GALNTL6: variants seen among roughly 807,000 people sequenced by gnomAD.
The protein encoded by GALNTL6 is polypeptide N-acetylgalactosaminyltransferase like 6, also known as polypeptide N-acetylgalactosaminyltransferase-like 6.
A neutral mutation model predicts 73.7 loss-of-function variants in GALNTL6; 46 were observed. That is an observed-to-expected ratio of 0.62 (90% confidence interval 0.49 to 0.80). The LOEUF (loss-of-function observed/expected upper bound fraction) is 0.80, where lower values mean the gene tolerates loss of function less well. GALNTL6 is among the 30% of genes least tolerant of loss of function. The probability of loss-of-function intolerance (pLI) is 0.00; values close to 1 mark genes in which losing one functional copy is unlikely to be tolerated. For missense variants in GALNTL6, 604 were observed against 755.0 expected, an observed-to-expected ratio of 0.80 and a Z score of 2.34; for synonymous variants, 259 against 263.7, an observed-to-expected ratio of 0.98 and a Z score of 0.17.
At chr4:172,522,387 T>G (rs1386434692) in intron 5 of GALNTL6, among the ~76,000 whole-genome samples, 1 of 152,136 alleles carries the variant, frequency 6.6e-6, no homozygotes, top group Non-Finnish European at 1.5e-5. Context: ...AAAGTGTATT[T>G]TAGGCCGGGC....
At chr4:172,923,910 AT>A (rs1398668053) in intron 8 of GALNTL6, among the ~76,000 whole-genome samples, 1 of 152,074 alleles carries the variant, frequency 6.6e-6, no homozygotes, top group Non-Finnish European at 1.5e-5. Context: ...TGCCCCCATG[AT>A]TCAATTACCT....
At chr4:172,992,254 C>G (rs951930329) in intron 10 of GALNTL6, among the ~76,000 whole-genome samples, 2 of 152,128 alleles carry the variant, frequency 1.3e-5, no homozygotes, top group African/African-American at 4.8e-5. Flanking sequence ...GCCTTACTTA[C>G]GATTTAAAAT....
chr4:172,796,616 G>A (rs892605729), intron 5 of GALNTL6, among the ~76,000 whole-genome samples: 1 of 152,130 alleles, frequency 6.6e-6, no homozygotes, highest in African/African-American at 2.4e-5. Flanking sequence ...TTTAAACCAA[G>A]ACAATTCTTA....
intron 5 of GALNTL6, among the ~76,000 whole-genome samples, chr4:172,387,522 C>A (rs1743515352): frequency 6.6e-6 from 1 of 152,036 alleles, no homozygotes; most frequent in African/African-American, 2.4e-5. Flanking sequence ...ATTGAAGATA[C>A]CTTATACCCA....
At chr4:172,411,675 A>T (rs1744441937) in intron 5 of GALNTL6, among the ~76,000 whole-genome samples, 1 of 151,632 alleles carries the variant, frequency 6.6e-6, no homozygotes, top group Non-Finnish European at 1.5e-5. Flanking sequence ...AGCCTCTTCC[A>T]GTTGTCCTAA....
rs1731460902 is a variant in GALNTL6 at position 172,069,522 on chromosome 4, G to GTGTTATATATCACATATATGTTATA, written c.139-160133_139-160132insGTTATATATCACATATATGTTATAT. On this transcript the variant is annotated intron_variant, in intron 2 of 12. Coordinates refer to ENST00000506823, the MANE Select transcript of GALNTL6 (RefSeq NM_001034845.3). ...TATGTATAACACATATATGTTATAT[G>GTGTTATATATCACATATATGTTATA]TATAACACATATATTATATATAACA... 1.0e-3 allele frequency among the ~76,000 whole-genome samples: 57 copies of GTGTTATATATCACATATATGTTATA among 56,018 alleles called. 12 individuals carry two copies. Among genetic ancestry groups the GTGTTATATATCACATATATGTTATA allele is most frequent in the African/African-American group, 5.3e-3 (56 of 10,592 alleles). The allele number at this position is 56,018 out of a possible 152,430, so 36.7% of individuals were successfully genotyped here. A position where few individuals can be genotyped will look rare whatever the true frequency, so the allele number is the denominator to read the frequency against.
chr4:173,015,722 G>A lies in GALNTL6; in HGVS notation c.1489-5754G>A, dbSNP rs559529517. Reference sequence around the variant, plus strand: ...GAGCACAAAATTTGGAAAATTTGCAGCCTAACGATGAGATAGAAAAAAAAA... The same window carrying A: ...GAGCACAAAATTTGGAAAATTTGCAACCTAACGATGAGATAGAAAAAAAAA... On this transcript the variant is annotated intron_variant, in intron 11 of 12. Coordinates refer to ENST00000506823, the MANE Select transcript of GALNTL6 (RefSeq NM_001034845.3). 3.3e-5 allele frequency among the ~76,000 whole-genome samples: 5 copies of A among 152,296 alleles called. No individual in the cohort carries two copies. The East Asian group carries it at 9.7e-4, about 29-fold the overall frequency.
chr4:172,526,808 T>C (rs555014294), intron 5 of GALNTL6, among the ~76,000 whole-genome samples: 13 of 152,118 alleles, frequency 8.5e-5, no homozygotes, highest in Non-Finnish European at 1.5e-4. Context: ...CTAATCCCTA[T>C]CCTTCCACCC....
chr4:172,630,893 T>C (rs1739368033), intron 5 of GALNTL6, among the ~76,000 whole-genome samples: 1 of 151,100 alleles, frequency 6.6e-6, no homozygotes, highest in Admixed American at 6.6e-5. Flanking sequence ...ATAACTGATA[T>C]TTGAGTAAGT....
intron 5 of GALNTL6, among the ~76,000 whole-genome samples, chr4:172,752,741 G>A (rs1032166707): frequency 6.6e-6 from 1 of 151,910 alleles, no homozygotes; most frequent in Non-Finnish European, 1.5e-5. Context: ...ATTTACTTTT[G>A]ATTACTTTTT....
intron 5 of GALNTL6, among the ~76,000 whole-genome samples, chr4:172,645,962 G>T (rs938524145): frequency 6.6e-6 from 1 of 151,888 alleles, no homozygotes; most frequent in African/African-American, 2.4e-5. Flanking sequence ...TCTTCCATGA[G>T]GGTCTTATGA....
intron 10 of GALNTL6, among the ~76,000 whole-genome samples, chr4:173,003,943 C>T (rs780173015): frequency 6.6e-6 from 1 of 152,150 alleles, no homozygotes; most frequent in African/African-American, 2.4e-5. Context: ...TATATGTGGG[C>T]TCCTTGAGAA....
intron 5 of GALNTL6, among the ~76,000 whole-genome samples, chr4:172,416,545 T>C (rs766947817): frequency 6.6e-6 from 1 of 152,188 alleles, no homozygotes; most frequent in African/African-American, 2.4e-5. Flanking sequence ...ACCTTTTTCA[T>C]AATAATAACT....
At chr4:173,012,314 G>C (rs1579780223) in intron 11 of GALNTL6, among the ~76,000 whole-genome samples, 1 of 152,256 alleles carries the variant, frequency 6.6e-6, no homozygotes. Context: ...GTCCAGATGT[G>C]TTGAGATTCA....
intron 2 of GALNTL6, among the ~76,000 whole-genome samples, chr4:171,911,234 A>C (rs1737467646): frequency 6.6e-6 from 1 of 152,308 alleles, no homozygotes; most frequent in South Asian, 2.1e-4. Context: ...ATCCGGGCCC[A>C]CTGCAGCCTC....
intron 2 of GALNTL6, among the ~76,000 whole-genome samples, chr4:171,983,341 AC>A: frequency 6.6e-6 from 1 of 152,296 alleles, no homozygotes; most frequent in African/African-American, 2.4e-5. Context: ...TATTCCTGTA[AC>A]AGGTGCTATC....
At chr4:172,140,915 T>C (rs1733782196) in intron 2 of GALNTL6, among the ~76,000 whole-genome samples, 1 of 152,166 alleles carries the variant, frequency 6.6e-6, no homozygotes, top group Admixed American at 6.5e-5. Flanking sequence ...GAATATTCTA[T>C]GTCATTACCA....
chr4:172,813,772 A>T (rs759252017), intron 7 of GALNTL6, 49 bp downstream of exon 7: 58 of 1,442,032 alleles, frequency 4.0e-5, no homozygotes, highest in African/African-American at 1.4e-5. Flanking sequence ...CAGGTAACTC[A>T]TTGCAGTGTT....
intron 3 of GALNTL6, among the ~76,000 whole-genome samples, chr4:172,293,178 A>G (rs1038015255): frequency 1.3e-5 from 2 of 152,126 alleles, no homozygotes; most frequent in African/African-American, 4.8e-5. Flanking sequence ...ATTGGCCTTG[A>G]TGAAGAATAT....
Sources: allele counts gnomAD v4.1 joint callset (sites outside exome capture counted in the v4.1 genomes callset), GRCh38; gene constraint gnomAD v4.1.1; transcripts MANE v1.5; gene names NCBI Gene and HGNC (gene_info 2026-07-23, HGNC 2026-07-21).